The following ZNF737 variants were observed in gnomAD, a reference collection of about 807,000 sequenced individuals.
ZNF737 encodes zinc finger protein 102 (Y3).
ZNF737 carries 13 observed loss-of-function variants against 11.7 expected under a neutral mutation model. The ratio of observed to expected loss-of-function variants is 1.11; its 90% confidence interval spans 0.73 to 1.77. The LOEUF (loss-of-function observed/expected upper bound fraction) is 1.77. ZNF737 is among the 40% of genes most tolerant of loss of function. ZNF737 has a pLI of 0.00. For synonymous variants in ZNF737, 217 were observed against 216.2 expected, an observed-to-expected ratio of 1.00 and a Z score of -0.03; for missense variants, 636 against 638.0, an observed-to-expected ratio of 1.00 and a Z score of 0.03.
chr19:20,561,363 C>T (rs1555762408), intron 1 of ZNF737, among the ~76,000 whole-genome samples: 1 of 151,968 alleles, frequency 6.6e-6, no homozygotes, highest in African/African-American at 2.4e-5. Flanking sequence ...GGTGCCTACT[C>T]CTGGGAGGAG....
Position 20,540,170 on chromosome 19 carries a change from A to T in ZNF737, c.*4422T>A. 1.0e-6 allele frequency: 1 copy of T among 985,340 alleles called. No homozygotes were observed. Among genetic ancestry groups the T allele is most frequent in the Non-Finnish European group, 1.2e-6 (1 of 829,888 alleles). The allele number at this position is 985,340 out of a possible 1,614,324, so 61.0% of individuals were successfully genotyped here. A position where few individuals can be genotyped will look rare whatever the true frequency, so the allele number is the denominator to read the frequency against. On this transcript the variant is annotated 3_prime_UTR_variant, in exon 4 of 4. Transcript: ENST00000427401. ...TTCCCGCCATGTGGCCACCATAAGC[A>T]GCTTACAACATGTTCTACCTAGAAG...
chr19:20,563,586 A>G (rs2336361), intron 1 of ZNF737, among the ~76,000 whole-genome samples: 1 of 151,330 alleles, frequency 6.6e-6, no homozygotes, highest in Non-Finnish European at 1.5e-5. Context: ...CCCCGGTTCA[A>G]GACCTTCTTG....
At chr19:20,547,724 C>A (rs1968508278) in intron 3 of ZNF737, among the ~76,000 whole-genome samples, 1 of 151,732 alleles carries the variant, frequency 6.6e-6, no homozygotes, top group Admixed American at 6.6e-5. Context: ...AAAAAACACA[C>A]AATGACAAGA....
chr19:20,543,543 A>G lies in ZNF737; in HGVS notation c.*1049T>C. Reference sequence around the variant, plus strand: ...TTTCCATATTCCTTCTATTTGTACAATTTTTCTCAAGGATACTAGCTTTTC... The same window carrying G: ...TTTCCATATTCCTTCTATTTGTACAGTTTTTCTCAAGGATACTAGCTTTTC... On this transcript the variant is annotated 3_prime_UTR_variant, in exon 4 of 4. Coordinates refer to ENST00000427401, the MANE Select transcript of ZNF737 (RefSeq NM_001159293.2). 1.0e-6 allele frequency: 1 copy of G among 985,316 alleles called. No individual in the cohort carries two copies. The highest frequency in any genetic ancestry group is 1.2e-6 in the Non-Finnish European group (1 of 829,882). 61.0% of individuals were successfully genotyped at this position (985,316 alleles called of 1,614,324 possible).
chr19:20,535,257 G>A (rs1213764840), downstream of ZNF737, among the ~76,000 whole-genome samples: 1 of 151,986 alleles, frequency 6.6e-6, no homozygotes, highest in African/African-American at 2.4e-5. Context: ...CAGCTTGGGT[G>A]ACAGAATGAG....
chr19:20,543,771 G>A lies in ZNF737; in HGVS notation c.*821C>T, dbSNP rs1968314690. 1 of 985,260 alleles carries A rather than the reference G, an allele frequency of 1.0e-6. No individual in the cohort carries two copies. The allele number at this position is 985,260 out of a possible 1,614,324, so 61.0% of individuals were successfully genotyped here. On this transcript the variant is annotated 3_prime_UTR_variant, in exon 4 of 4. Transcript: ENST00000427401. The stretch of plus-strand genomic sequence containing the variant: ...AGTTGGAGGTGTTCGTAAAAGCAAT[G>A]TCACATTTTTTAGCTTTGCGGATTT...
At chr19:20,562,175 A>G (rs1173012417) in intron 1 of ZNF737, among the ~76,000 whole-genome samples, 2 of 151,838 alleles carry the variant, frequency 1.3e-5, no homozygotes, top group Non-Finnish European at 2.9e-5. Flanking sequence ...AATCAGCTGA[A>G]TTTGTCTTCA....
At position 20,545,042 on chromosome 19, in the gene ZNF737, A is replaced by G; in HGVS notation, c.1161T>C (p.His387=). The G allele has an allele frequency of 6.2e-7, 1 of 1,613,764 alleles. No homozygotes were observed. Among genetic ancestry groups the G allele is most frequent in the Non-Finnish European group, 8.5e-7 (1 of 1,179,942 alleles). ...AFNWSSHLTT[H]KRIHTGEKPY... The stretch of plus-strand genomic sequence containing the variant: ...GTTTCTCTCCAGTATGAATTCTCTT[A>G]TGTGTAGTAAGGTGTGAGGACCAGT... Residue 387 remains histidine (H), a synonymous_variant, in exon 4 of 4, where the codon CAT becomes CAC. Transcript: ENST00000427401.
In ZNF737 at chr19:20,545,217, G is replaced by A. The variant is rs1195742237; in HGVS notation, c.986C>T (p.Thr329Ile). ...GKAFKHPSVLTTHKRIHTGEK... is the reference protein window; with the variant it reads ...GKAFKHPSVLITHKRIHTGEK... ...TCCAGTATGAATTCTTTTATGTGTAGTAAGGACAGAGGGGTGCTTAAAGGC... is the reference window on the plus strand; with the variant it reads ...TCCAGTATGAATTCTTTTATGTGTAATAAGGACAGAGGGGTGCTTAAAGGC... Residue 329 changes from threonine to isoleucine, a missense_variant, in exon 4 of 4, where the codon ACT becomes ATT. Coordinates refer to ENST00000427401, the MANE Select transcript of ZNF737 (RefSeq NM_001159293.2). 5 of 1,613,928 alleles carry A rather than the reference G, an allele frequency of 3.1e-6. No homozygotes were observed. Among genetic ancestry groups the A allele is most frequent in the African/African-American group, 1.3e-5 (1 of 75,030 alleles).
Position 20,544,869 on chromosome 19 carries a change from C to G in ZNF737, c.1334G>C (p.Arg445Thr), listed in dbSNP as rs202023843. ...KCFSILTTHK[R>T]IHTGEKPYKC... is the part of the protein sequence containing the mutation. Reference sequence around the variant, plus strand: ...GTAGGGTTTCTCTCCAGTATGAATTCTCTTATGTGTAGTAAGGATAGAGAA... The same window carrying G: ...GTAGGGTTTCTCTCCAGTATGAATTGTCTTATGTGTAGTAAGGATAGAGAA... Residue 445 changes from arginine to threonine, a missense_variant, in exon 4 of 4, where the codon AGA becomes ACA. Transcript: ENST00000427401. The G allele has an allele frequency of 1.2e-6, 2 of 1,606,194 alleles. No homozygotes were observed. The highest frequency in any genetic ancestry group is 1.7e-4 in the Middle Eastern group (1 of 6,026).
intron 3 of ZNF737, among the ~76,000 whole-genome samples, chr19:20,551,804 G>A (rs2144653335): frequency 6.6e-6 from 1 of 150,552 alleles, no homozygotes; most frequent in East Asian, 1.9e-4. Flanking sequence ...TATGTCTAGG[G>A]ATTGAAAGAA....
rs187125878 is a variant in ZNF737, at chr19:20,543,865, C to T, written c.*727G>A. The T allele has an allele frequency of 2.0e-4, 198 of 984,600 alleles. No individual in the cohort carries two copies. The African/African-American group carries it at 2.7e-3, about 13-fold the overall frequency. 61.0% of individuals were successfully genotyped at this position (984,600 alleles called of 1,614,324 possible). ...ACTTGTGGCTGGGCGTCGTGGCTCA[C>T]GCCTGTAATCCCAGCACTTTAGGAG... On this transcript the variant is annotated 3_prime_UTR_variant, in exon 4 of 4. Coordinates refer to ENST00000427401, the MANE Select transcript of ZNF737 (RefSeq NM_001159293.2).
Position 20,539,288 on chromosome 19 carries a change from T to TAAA in ZNF737, c.*5301_*5303dup. The TAAA allele has an allele frequency of 1.3e-5, 10 of 780,012 alleles. No homozygotes were observed. The highest frequency in any genetic ancestry group is 1.3e-4 in the East Asian group (1 of 7,672). 48.3% of individuals were successfully genotyped at this position (780,012 alleles called of 1,614,324 possible). On this transcript the variant is annotated 3_prime_UTR_variant, in exon 4 of 4. Transcript: ENST00000427401. ...GTGAGTGACAGAGTGAGAATCCTTC[T>TAAA]AAAAAAAAAAAAAAGAAATTCTTTC...
At chr19:20,562,765 T>C (rs1969145678) in intron 1 of ZNF737, among the ~76,000 whole-genome samples, 1 of 152,108 alleles carries the variant, frequency 6.6e-6, no homozygotes, top group Non-Finnish European at 1.5e-5. Flanking sequence ...TAAAATAAAA[T>C]ATCCCTTAAT....
At chr19:20,537,454 G>A (rs1200923424), downstream of ZNF737, among the ~76,000 whole-genome samples, 2 of 146,130 alleles carry the variant, frequency 1.4e-5, no homozygotes, top group African/African-American at 5.1e-5. Flanking sequence ...CACCCGCCTC[G>A]GCCTCCCAAA....
chr19:20,546,820 C>A (rs539541981), intron 3 of ZNF737, among the ~76,000 whole-genome samples: 9 of 152,240 alleles, frequency 5.9e-5, no homozygotes, highest in African/African-American at 2.2e-4. Context: ...GCTGAGGTTA[C>A]AATGAGCCAC....
At chr19:20,547,159 A>G (rs754593735) in intron 3 of ZNF737, among the ~76,000 whole-genome samples, 67 of 152,082 alleles carry the variant, frequency 4.4e-4, no homozygotes, top group Non-Finnish European at 8.2e-4. Flanking sequence ...AGGCAGGTGG[A>G]TCACGAGGTC....
rs532316321 is a variant in ZNF737 at position 20,564,697 on chromosome 19, T to C, written c.3+941A>G. 2.6e-5 allele frequency among the ~76,000 whole-genome samples: 4 copies of C among 152,106 alleles called. No homozygotes were observed. In the South Asian group the frequency reaches 8.3e-4, roughly 32 times the overall value. ...ATAAATTGAGGAACATGGGGTACAC[T>C]TGAGGCCTTGCTTGAGACACATGTG... On this transcript the variant is annotated intron_variant, in intron 1 of 3. Transcript: ENST00000427401.
At position 20,543,477 on chromosome 19, in the gene ZNF737, G is replaced by A; in HGVS notation, c.*1115C>T. 2.0e-6 allele frequency: 2 copies of A among 985,332 alleles called. No homozygotes were observed. 61.0% of individuals were successfully genotyped at this position (985,332 alleles called of 1,614,324 possible). A position where few individuals can be genotyped will look rare whatever the true frequency, so the allele number is the denominator to read the frequency against. On this transcript the variant is annotated 3_prime_UTR_variant, in exon 4 of 4. Coordinates refer to ENST00000427401, the MANE Select transcript of ZNF737 (RefSeq NM_001159293.2). ...ATTTTAATGCTTTTATTAAAAGGAAGATTTTTATGTTGAGTTAGATGTGAG... is the reference window on the plus strand; with the variant it reads ...ATTTTAATGCTTTTATTAAAAGGAAAATTTTTATGTTGAGTTAGATGTGAG...
Sources: gnomAD v4.1 joint callset for allele counts (sites outside exome capture counted in the v4.1 genomes callset) on GRCh38, gnomAD v4.1.1 for gene constraint, MANE v1.5 for transcripts, NCBI Gene and HGNC (gene_info 2026-07-23, HGNC 2026-07-21) for gene names.